The following HMGCLL1 variants were observed in gnomAD, a reference collection of about 807,000 sequenced individuals.
HMGCLL1 encodes 3-hydroxy-3-methylglutaryl-CoA lyase like 1.
In HMGCLL1, 36 loss-of-function variants were observed where a neutral mutation model predicts 39.1. The ratio of observed to expected loss-of-function variants is 0.92; its 90% CI spans 0.71 to 1.22. HMGCLL1 has a LOEUF of 1.22. Ranked by LOEUF, HMGCLL1 falls within the 50% of genes most tolerant of loss-of-function variation. HMGCLL1 has a pLI of 0.00. For synonymous variants in HMGCLL1, 149 were observed against 144.0 expected (o/e 1.03, Z -0.25); for missense variants, 451 against 416.5 (o/e 1.08, Z -0.72).
intron 8 of HMGCLL1, among the ~76,000 whole-genome samples, chr6:55,436,848 A>G (rs369385708): frequency 2.3e-4 from 35 of 152,094 alleles, no homozygotes; most frequent in African/African-American, 7.2e-4. Context: ...TATTTTCATG[A>G]TGTCTTTTTA....
chr6:55,499,413 C>T, intron 5 of HMGCLL1, 114 bp from the exon 6 acceptor site: 1 of 703,112 alleles, frequency 1.4e-6, no homozygotes, highest in Non-Finnish European at 2.2e-6. Context: ...TGCACTATTA[C>T]TTTATTATTA....
intron 1 of HMGCLL1, among the ~76,000 whole-genome samples, chr6:55,564,800 T>C (rs956925279): frequency 6.6e-6 from 1 of 150,428 alleles, no homozygotes; most frequent in African/African-American, 2.4e-5. Context: ...TTTGGTGGTG[T>C]GGCATGTACA....
At chr6:55,592,921 T>C in the HMGCLL1 span, among the ~76,000 whole-genome samples, 96 of 152,244 alleles carry the variant, frequency 6.3e-4, no homozygotes, top group Middle Eastern at 3.4e-3. Context: ...GCCCCCTTTT[T>C]AAATTGTTGG....
the HMGCLL1 span, among the ~76,000 whole-genome samples, chr6:55,645,725 C>T: frequency 6.6e-6 from 1 of 151,892 alleles, no homozygotes; most frequent in African/African-American, 2.4e-5. Flanking sequence ...ATTGAACCAT[C>T]CTTGCATCCT....
chr6:55,510,573 T>A (rs1057401110), intron 5 of HMGCLL1, among the ~76,000 whole-genome samples: 1 of 131,676 alleles, frequency 7.6e-6, no homozygotes, highest in Admixed American at 9.3e-5. Context: ...TTCTCACTCA[T>A]AGATGGGAAT....
intron 3 of HMGCLL1, among the ~76,000 whole-genome samples, chr6:55,524,257 G>A (rs1768192630): frequency 6.6e-6 from 1 of 151,160 alleles, no homozygotes; most frequent in South Asian, 2.1e-4. Context: ...AGAATGTATA[G>A]TCACAAAATA....
the HMGCLL1 span, among the ~76,000 whole-genome samples, chr6:55,589,626 A>G: frequency 6.6e-6 from 1 of 152,202 alleles, no homozygotes; most frequent in East Asian, 1.9e-4. Flanking sequence ...CTGTTTGCAG[A>G]TCACATGATT....
chr6:55,590,322 T>C, the HMGCLL1 span, among the ~76,000 whole-genome samples: 72 of 152,250 alleles, frequency 4.7e-4, no homozygotes, highest in African/African-American at 1.6e-3. Flanking sequence ...ATTTAATTAA[T>C]GGTGCTGGGA....
At chr6:55,673,860 A>C in the HMGCLL1 span, among the ~76,000 whole-genome samples, 1 of 151,944 alleles carries the variant, frequency 6.6e-6, no homozygotes, top group Non-Finnish European at 1.5e-5. Context: ...TGTTATGGTC[A>C]GTTTTGTTGT....
intron 5 of HMGCLL1, among the ~76,000 whole-genome samples, chr6:55,500,728 T>G (rs1046999492): frequency 1.3e-5 from 2 of 151,986 alleles, no homozygotes; most frequent in Non-Finnish European, 2.9e-5. Context: ...ATCTGTACAT[T>G]TAATCAAGAT....
At chr6:55,450,642 G>T (rs758273541) in intron 7 of HMGCLL1, among the ~76,000 whole-genome samples, 1 of 152,150 alleles carries the variant, frequency 6.6e-6, no homozygotes, top group Non-Finnish European at 1.5e-5. Context: ...GTTGAGGGGG[G>T]TATGTGAACA....
intron 1 of HMGCLL1, among the ~76,000 whole-genome samples, chr6:55,550,676 T>C (rs1770279396): frequency 6.6e-6 from 1 of 151,790 alleles, no homozygotes; most frequent in African/African-American, 2.4e-5. Context: ...TATTTCATAT[T>C]CTTCGAAGTA....
At chr6:55,464,153 C>A (rs1157868935) in intron 7 of HMGCLL1, among the ~76,000 whole-genome samples, 2 of 151,992 alleles carry the variant, frequency 1.3e-5, no homozygotes, top group Non-Finnish European at 2.9e-5. Context: ...GAATTTAATT[C>A]TCTTAATTTA....
chr6:55,627,153 A>G, the HMGCLL1 span, among the ~76,000 whole-genome samples: 2 of 151,930 alleles, frequency 1.3e-5, no homozygotes, highest in African/African-American at 2.4e-5. Flanking sequence ...AATACCAGCT[A>G]TGACCACGTG....
intron 1 of HMGCLL1, among the ~76,000 whole-genome samples, chr6:55,573,643 C>T (rs189652832): frequency 2.4e-4 from 37 of 151,304 alleles, no homozygotes; most frequent in South Asian, 1.7e-3. Flanking sequence ...AGATTGAATA[C>T]GGAGAAGAAA....
At chr6:55,549,264 T>C (rs1770175259) in intron 1 of HMGCLL1, among the ~76,000 whole-genome samples, 1 of 151,804 alleles carries the variant, frequency 6.6e-6, no homozygotes, top group South Asian at 2.1e-4. Context: ...TTCTCCTTAG[T>C]GTCTTCACCA....
At chr6:55,660,110 A>G in the HMGCLL1 span, among the ~76,000 whole-genome samples, 3 of 151,918 alleles carry the variant, frequency 2.0e-5, no homozygotes, top group South Asian at 4.1e-4. Flanking sequence ...GAGCTGAACT[A>G]TCTAATTTAT....
At chr6:55,585,506 G>C in the HMGCLL1 span, among the ~76,000 whole-genome samples, 1 of 152,008 alleles carries the variant, frequency 6.6e-6, no homozygotes, top group Non-Finnish European at 1.5e-5. Context: ...GTTATAATAA[G>C]ATCTTAATAG....
chr6:55,673,621 T>C, the HMGCLL1 span, among the ~76,000 whole-genome samples: 7 of 152,052 alleles, frequency 4.6e-5, no homozygotes, highest in East Asian at 1.4e-3. Context: ...CGTTAAAATA[T>C]TGCTAAGATT....
Sources: gnomAD v4.1 joint callset for allele counts (sites outside exome capture counted in the v4.1 genomes callset) on GRCh38, gnomAD v4.1.1 for gene constraint, MANE v1.5 for transcripts, NCBI Gene and HGNC (gene_info 2026-07-23, HGNC 2026-07-21) for gene names.